PAN3: variants seen among roughly 807,000 people sequenced by gnomAD.
PAN3 encodes the protein poly(A) specific ribonuclease subunit PAN3, also known as PAN2-PAN3 deadenylation complex subunit PAN3.
PAN3 carries 19 observed loss-of-function variants against 96.2 expected under a neutral mutation model. The ratio of observed to expected loss-of-function variants is 0.20; its 90% CI spans 0.14 to 0.29. PAN3 has a LOEUF of 0.29. Ranked by LOEUF, PAN3 falls within the 10% of genes least tolerant of loss-of-function variation. PAN3 has a pLI of 1.00. For missense variants in PAN3, 882 were observed against 1,108.1 expected, an observed-to-expected ratio of 0.80 and a Z score of 2.90; for synonymous variants, 433 against 406.6, an observed-to-expected ratio of 1.06 and a Z score of -0.78.
At chr13:28,231,483 G>A (rs1019097933) in intron 6 of PAN3, among the ~76,000 whole-genome samples, 2 of 152,038 alleles carry the variant, frequency 1.3e-5, no homozygotes, top group Non-Finnish European at 2.9e-5. Flanking sequence ...AAAGCTTTAA[G>A]GTACTTAATT....
chr13:28,231,879 G>A (rs1028095430), intron 6 of PAN3, among the ~76,000 whole-genome samples: 2 of 152,096 alleles, frequency 1.3e-5, no homozygotes, highest in Non-Finnish European at 2.9e-5. Flanking sequence ...TCCAGCCTGG[G>A]CAGCACAGTG....
At chr13:28,271,123 A>G (rs1359180152) in intron 13 of PAN3, among the ~76,000 whole-genome samples, 1 of 152,210 alleles carries the variant, frequency 6.6e-6, no homozygotes, top group Non-Finnish European at 1.5e-5. Flanking sequence ...TATAAAAATA[A>G]TATCAATACA....
At chr13:28,186,010 A>G (rs1039896414) in intron 4 of PAN3, among the ~76,000 whole-genome samples, 5 of 152,226 alleles carry the variant, frequency 3.3e-5, no homozygotes, top group Admixed American at 2.0e-4. Context: ...ATGCTAGCCT[A>G]AGCTCCAAAT....
intron 6 of PAN3, among the ~76,000 whole-genome samples, chr13:28,223,410 T>C (rs2138393994): frequency 6.6e-6 from 1 of 152,306 alleles, no homozygotes; most frequent in South Asian, 2.1e-4. Flanking sequence ...TTAATGATAC[T>C]AAAGATATGG....
At chr13:28,285,536 G>A (rs1304176688) in intron 17 of PAN3, among the ~76,000 whole-genome samples, 1 of 152,100 alleles carries the variant, frequency 6.6e-6, no homozygotes, top group Non-Finnish European at 1.5e-5. Flanking sequence ...ATTAACAGGT[G>A]AACCCCTTTA....
chr13:28,227,188 G>A (rs895759371), intron 6 of PAN3, among the ~76,000 whole-genome samples: 1 of 152,170 alleles, frequency 6.6e-6, no homozygotes, highest in Non-Finnish European at 1.5e-5. Context: ...AAACTGAGGC[G>A]AGACGTTTAT....
chr13:28,144,276 G>T (rs910603451), intron 1 of PAN3, among the ~76,000 whole-genome samples: 1 of 149,130 alleles, frequency 6.7e-6, no homozygotes, highest in African/African-American at 2.5e-5. Context: ...GAGTGCAGTG[G>T]CGCAGTCTCG....
At chr13:28,195,236 C>G (rs1158126590) in intron 4 of PAN3, among the ~76,000 whole-genome samples, 1 of 152,040 alleles carries the variant, frequency 6.6e-6, no homozygotes, top group Non-Finnish European at 1.5e-5. Context: ...AACCCCATCT[C>G]TACTAAAAAT....
intron 4 of PAN3, among the ~76,000 whole-genome samples, chr13:28,194,452 A>G (rs111595024): frequency 0.019 from 1,963 of 101,258 alleles, 9 homozygotes; most frequent in African/African-American, 0.044. Context: ...ATATGTATGT[A>G]TATATATATA....
Position 28,138,616 on chromosome 13 carries a change from G to GGCGGCGGCT in PAN3, c.-40_-39insGGCGGCTGC, listed in dbSNP as rs2137880759. The GGCGGCGGCT allele has an allele frequency of 2.0e-6, 1 of 496,100 alleles. No homozygotes were observed. The highest frequency in any genetic ancestry group is 3.4e-6 in the Non-Finnish European group (1 of 292,124). The allele number at this position is 496,100 out of a possible 1,614,324, so 30.7% of individuals were successfully genotyped here. On this transcript the variant is annotated 5_prime_UTR_variant, in exon 1 of 19. Coordinates refer to ENST00000380958, the MANE Select transcript of PAN3 (RefSeq NM_175854.8). ...CCCCGTCTATGGTGGTGGCGGCGGCGGCTCCTCGGGCGGCGGCGGAAGACG... is the reference window on the plus strand; with the variant it reads ...CCCCGTCTATGGTGGTGGCGGCGGCGGCGGCGGCTGCTCCTCGGGCGGCGGCGGAAGACG...
intron 6 of PAN3, among the ~76,000 whole-genome samples, chr13:28,236,284 T>C (rs1170627044): frequency 2.0e-5 from 3 of 152,200 alleles, no homozygotes; most frequent in East Asian, 3.9e-4. Context: ...AGCTTTCATA[T>C]ATAGGTACAG....
At chr13:28,146,640 A>G (rs1009323129) in intron 1 of PAN3, among the ~76,000 whole-genome samples, 2 of 152,164 alleles carry the variant, frequency 1.3e-5, no homozygotes, top group South Asian at 2.1e-4. Flanking sequence ...ACTGTACTGA[A>G]TACTTTAGGC....
In PAN3 at chr13:28,176,557, A is replaced by G; in HGVS notation, c.617A>G (p.His206Arg). The G allele has an allele frequency of 6.2e-7, 1 of 1,613,372 alleles. No individual in the cohort carries two copies. The highest frequency in any genetic ancestry group is 1.3e-5 in the African/African-American group (1 of 75,044). The change falls in exon 3 of 19, where the codon CAT becomes CGT. Residue 206 changes from histidine to arginine, a missense_variant and splice_region_variant. Transcript: ENST00000380958. ...GACAGTGCCAAGCCATATTCAGCCC[A>G]TGGTAAGACCTGATCCCTTTTGCTT... ...LNDSAKPYSA[H>R]DPLTSPASSL... is the part of the protein sequence containing the mutation.
At position 28,292,632 on chromosome 13, in the gene PAN3, A is replaced by G. The variant is rs1202973818; in HGVS notation, c.*110A>G. Reference sequence around the variant, plus strand: ...TTCACATTTGGGAAACGAACAGGAGATGAGCAAAGCTGCTTGCACTTCAGT... The same window carrying G: ...TTCACATTTGGGAAACGAACAGGAGGTGAGCAAAGCTGCTTGCACTTCAGT... On this transcript the variant is annotated 3_prime_UTR_variant, in exon 19 of 19. Transcript: ENST00000380958. The G allele has an allele frequency of 8.8e-7, 1 of 1,132,632 alleles. No homozygotes were observed. The highest frequency in any genetic ancestry group is 1.2e-6 in the Non-Finnish European group (1 of 829,670). The allele number at this position is 1,132,632 out of a possible 1,614,324, so 70.2% of individuals were successfully genotyped here. A position where few individuals can be genotyped will look rare whatever the true frequency, so the allele number is the denominator to read the frequency against.
intron 4 of PAN3, among the ~76,000 whole-genome samples, chr13:28,196,457 A>T (rs569809766): frequency 6.3e-4 from 96 of 152,228 alleles, no homozygotes; most frequent in African/African-American, 2.3e-3. Context: ...TTATAATGTT[A>T]GGCAAATAAT....
intron 4 of PAN3, among the ~76,000 whole-genome samples, chr13:28,188,363 T>C (rs1876768852): frequency 6.6e-6 from 1 of 152,194 alleles, no homozygotes; most frequent in Non-Finnish European, 1.5e-5. Context: ...ATACCATTAA[T>C]GATTAGTGGT....
chr13:28,141,268 G>A (rs1869767638), intron 1 of PAN3, among the ~76,000 whole-genome samples: 1 of 151,888 alleles, frequency 6.6e-6, no homozygotes, highest in African/African-American at 2.4e-5. Context: ...GCCTCCCAAA[G>A]TGCTGGGATT....
chr13:28,141,626 C>G (rs1869852839), intron 1 of PAN3, among the ~76,000 whole-genome samples: 1 of 151,886 alleles, frequency 6.6e-6, no homozygotes, highest in Non-Finnish European at 1.5e-5. Flanking sequence ...CACCACCACG[C>G]TCAGCTAATA....
intron 1 of PAN3, among the ~76,000 whole-genome samples, chr13:28,156,297 G>C (rs1251535161): frequency 6.6e-6 from 1 of 152,060 alleles, no homozygotes; most frequent in Non-Finnish European, 1.5e-5. Context: ...TGCATGTAGG[G>C]TAGAAAACCT....
Sources: gnomAD v4.1 joint callset for allele counts (sites outside exome capture counted in the v4.1 genomes callset) on GRCh38, gnomAD v4.1.1 for gene constraint, MANE v1.5 for transcripts, NCBI Gene and HGNC (gene_info 2026-07-23, HGNC 2026-07-21) for gene names.